The following OTUD7A variants were observed in gnomAD, a reference collection of about 807,000 sequenced individuals.
OTUD7A encodes the protein OTU domain-containing protein 7A.
Under a neutral mutation model 65.7 loss-of-function variants are expected in OTUD7A, and 12 were observed. That is an observed-to-expected ratio of 0.18 (90% CI 0.12 to 0.30). OTUD7A has a LOEUF of 0.30. Ranked by LOEUF, OTUD7A falls within the 10% of genes least tolerant of loss-of-function variation. The pLI is 1.00. For missense variants in OTUD7A, 1,148 were observed against 1,304.8 expected (o/e 0.88, Z 1.85); for synonymous variants, 641 against 586.3 (o/e 1.09, Z -1.35).
intron 8 of OTUD7A, among the ~76,000 whole-genome samples, chr15:31,523,992 G>T (rs751253102): frequency 5.3e-5 from 8 of 152,140 alleles, no homozygotes; most frequent in Non-Finnish European, 1.0e-4. Context: ...CCCATTCCCA[G>T]GAAAATGTTT....
At chr15:31,739,680 C>G (rs913825711) in intron 1 of OTUD7A, among the ~76,000 whole-genome samples, 9 of 152,142 alleles carry the variant, frequency 5.9e-5, no homozygotes, top group African/African-American at 2.2e-4. Flanking sequence ...GCAACCTCCA[C>G]CACCCAGAAT....
intron 5 of OTUD7A, among the ~76,000 whole-genome samples, chr15:31,535,674 GTTTTTT>G (rs55826357): frequency 8.9e-6 from 1 of 111,998 alleles, no homozygotes; most frequent in African/African-American, 3.7e-5. Context: ...TTCTGTTTTT[GTTTTTT>G]TTTTTTTTTT....
intron 1 of OTUD7A, among the ~76,000 whole-genome samples, chr15:31,689,771 C>T (rs967452787): frequency 4.6e-5 from 7 of 152,126 alleles, no homozygotes; most frequent in East Asian, 1.9e-4. Flanking sequence ...ACTTAACAGA[C>T]GTGAGGGTGG....
chr15:31,533,041 C>A (rs1302721804), intron 5 of OTUD7A, among the ~76,000 whole-genome samples: 1 of 150,512 alleles, frequency 6.6e-6, no homozygotes, highest in East Asian at 1.9e-4. Flanking sequence ...AGAAGCTGAG[C>A]AAACCCTAAA....
At chr15:31,591,724 C>CA (rs1381758949) in intron 3 of OTUD7A, among the ~76,000 whole-genome samples, 1 of 152,218 alleles carries the variant, frequency 6.6e-6, no homozygotes, top group Admixed American at 6.5e-5. Flanking sequence ...CACTCACACA[C>CA]AAACATGTAT....
At chr15:31,582,783 T>C (rs1329322278) in intron 3 of OTUD7A, among the ~76,000 whole-genome samples, 1 of 152,000 alleles carries the variant, frequency 6.6e-6, no homozygotes, top group Non-Finnish European at 1.5e-5. Context: ...ACCATATCAA[T>C]ACCACAGCAA....
intron 1 of OTUD7A, among the ~76,000 whole-genome samples, chr15:31,670,905 G>A (rs1294254926): frequency 6.6e-6 from 1 of 152,070 alleles, no homozygotes; most frequent in South Asian, 2.1e-4. Flanking sequence ...TGAGACAGGA[G>A]AATGGCATGA....
intron 3 of OTUD7A, among the ~76,000 whole-genome samples, chr15:31,601,176 C>T (rs11852761): frequency 0.021 from 3,147 of 152,280 alleles, 99 homozygotes; most frequent in African/African-American, 0.073. Context: ...GGCACCACAT[C>T]GCACTTTTTC....
intron 1 of OTUD7A, among the ~76,000 whole-genome samples, chr15:31,752,801 GA>G (rs199926878): frequency 1.3e-5 from 2 of 149,000 alleles, no homozygotes; most frequent in East Asian, 2.0e-4. Context: ...CATCATTTTT[GA>G]AAAAAAAAAT....
intron 1 of OTUD7A, among the ~76,000 whole-genome samples, chr15:31,839,557 C>T (rs1360817951): frequency 5.9e-5 from 9 of 152,176 alleles, no homozygotes; most frequent in Admixed American, 5.2e-4. Flanking sequence ...CTTGCTGCAG[C>T]CTGTCCTGGC....
chr15:31,835,835 CAT>C (rs1897043488), intron 1 of OTUD7A, among the ~76,000 whole-genome samples: 1 of 152,072 alleles, frequency 6.6e-6, no homozygotes, highest in African/African-American at 2.4e-5. Context: ...GACACACACA[CAT>C]GGGTTGAGTA....
chr15:31,777,127 C>G (rs192266405), intron 1 of OTUD7A, among the ~76,000 whole-genome samples: 1 of 152,232 alleles, frequency 6.6e-6, no homozygotes, highest in Non-Finnish European at 1.5e-5. Flanking sequence ...AGTCCCAGAT[C>G]AGGTGCTGGC....
chr15:31,681,606 C>T (rs1256281268), intron 1 of OTUD7A, among the ~76,000 whole-genome samples: 1 of 137,954 alleles, frequency 7.2e-6, no homozygotes, highest in African/African-American at 2.9e-5. Context: ...TCCCTCCTTT[C>T]CTTTCTCCCT....
chr15:31,597,980 T>C (rs1284983099), intron 3 of OTUD7A, among the ~76,000 whole-genome samples: 2 of 152,084 alleles, frequency 1.3e-5, no homozygotes, highest in African/African-American at 4.8e-5. Context: ...AAGAGCAGCG[T>C]GTTTCCAGTC....
chr15:31,506,372 C>G (rs1311038881), intron 8 of OTUD7A, among the ~76,000 whole-genome samples: 1 of 151,938 alleles, frequency 6.6e-6, no homozygotes, highest in Non-Finnish European at 1.5e-5. Flanking sequence ...TTTTTAAATT[C>G]ATACTTACCA....
At chr15:31,626,872 G>A (rs1397608343) in intron 3 of OTUD7A, among the ~76,000 whole-genome samples, 28 of 150,750 alleles carry the variant, frequency 1.9e-4, no homozygotes, top group Admixed American at 1.8e-3. Context: ...CACTGCACCC[G>A]GCCTATATTT....
At chr15:31,569,858 A>C (rs953372152) in intron 4 of OTUD7A, among the ~76,000 whole-genome samples, 160 bp downstream of exon 4, 6 of 152,230 alleles carry the variant, frequency 3.9e-5, no homozygotes, top group Non-Finnish European at 8.8e-5. Context: ...GAAGCAACAA[A>C]GGACATTTCG....
chr15:31,839,429 G>C (rs1407729522), intron 1 of OTUD7A, among the ~76,000 whole-genome samples: 1 of 152,178 alleles, frequency 6.6e-6, no homozygotes, highest in African/African-American at 2.4e-5. Flanking sequence ...AGAGTGGACT[G>C]GCTGTGACCA....
chr15:31,596,160 A>G (rs971946783), intron 3 of OTUD7A, among the ~76,000 whole-genome samples: 2 of 152,124 alleles, frequency 1.3e-5, no homozygotes, highest in Admixed American at 6.6e-5. Flanking sequence ...GGGAACAGGA[A>G]TCTTGAGGGA....
Sources: gnomAD v4.1 joint callset for allele counts (sites outside exome capture counted in the v4.1 genomes callset) on GRCh38, gnomAD v4.1.1 for gene constraint, MANE v1.5 for transcripts, NCBI Gene and HGNC (gene_info 2026-07-23, HGNC 2026-07-21) for gene names.